PTCD2: variants seen among roughly 807,000 people sequenced by gnomAD.
The protein encoded by PTCD2 is pentatricopeptide repeat domain 2, also known as pentatricopeptide repeat-containing protein 2, mitochondrial.
In PTCD2, 31 loss-of-function variants were observed where a neutral mutation model predicts 42.6. The observed-to-expected ratio is 0.73, with a 90% CI of 0.55 to 0.98. The LOEUF is 0.98. PTCD2 is among the 50% of genes least tolerant of loss of function. The pLI, the probability that PTCD2 is intolerant of heterozygous loss-of-function variation, is 0.00. For synonymous variants in PTCD2, 183 were observed against 170.9 expected (o/e 1.07, Z -0.55); for missense variants, 476 against 454.8 (o/e 1.05, Z -0.42).
In PTCD2 at chr5:72,325,946, G is replaced by A. The variant is rs906831432; in HGVS notation, c.221-666G>A. ...GATACAAAGACAAGGGAGAATGATA[G>A]ACTGTGATGACACTGAAATGATTCT... On this transcript the variant is annotated intron_variant, in intron 2 of 9. Coordinates refer to ENST00000380639, the MANE Select transcript of PTCD2 (RefSeq NM_024754.5). Among the ~76,000 whole-genome samples the A allele has an allele frequency of 2.0e-5, 3 of 152,206 alleles. No individual in the cohort carries two copies. The East Asian group carries it at 5.8e-4, about 29-fold the overall frequency.
At chr5:72,320,707 A>AGGACTGCTGGGGTATTGACCTT in intron 1 of PTCD2, 198 bp downstream of exon 1, 1 of 660,014 alleles carries the variant, frequency 1.5e-6, no homozygotes, top group Non-Finnish European at 2.6e-6. Context: ...TGCAAATCGA[A>AGGACTGCTGGGGTATTGACCTT]GGACTGCTGG....
At chr5:72,338,566 ATTTTAT>A (rs1250151401) in intron 6 of PTCD2, 50 bp from the exon 7 acceptor site, 5 of 904,874 alleles carry the variant, frequency 5.5e-6, no homozygotes, top group Non-Finnish European at 8.6e-6. Flanking sequence ...ACTATTAATC[ATTTTAT>A]TGAACTTAAA....
intron 8 of PTCD2, among the ~76,000 whole-genome samples, chr5:72,346,863 T>C (rs1752384276): frequency 6.6e-6 from 1 of 152,074 alleles, no homozygotes; most frequent in African/African-American, 2.4e-5. Context: ...TCTGATAACA[T>C]CAGGAAGGAA....
rs1235105816 is a variant in PTCD2, at chr5:72,366,154, T to C, written c.*7727T>C. Reference sequence around the variant, plus strand: ...TTGCTTGAACCTGGGAGACGGAGGTTACAGTGAGCCTAGACTGCGCCATTG... The same window carrying C: ...TTGCTTGAACCTGGGAGACGGAGGTCACAGTGAGCCTAGACTGCGCCATTG... On this transcript the variant is annotated 3_prime_UTR_variant, in exon 10 of 10. Transcript: ENST00000380639. 1 of 152,146 alleles carries C rather than the reference T, an allele frequency of 6.6e-6. No homozygotes were observed. Among genetic ancestry groups the C allele is most frequent in the African/African-American group, 2.4e-5 (1 of 41,446 alleles). The allele number at this position is 152,146 out of a possible 1,614,324, so 9.4% of individuals were successfully genotyped here.
At chr5:72,332,109 T>G (rs1252474605) in intron 4 of PTCD2, among the ~76,000 whole-genome samples, 1 of 152,210 alleles carries the variant, frequency 6.6e-6, no homozygotes, top group Non-Finnish European at 1.5e-5. Context: ...TTTCCCATAA[T>G]CAGAAACATT....
At chr5:72,331,007 T>C (rs892689994) in intron 3 of PTCD2, among the ~76,000 whole-genome samples, 1 of 152,244 alleles carries the variant, frequency 6.6e-6, no homozygotes, top group African/African-American at 2.4e-5. Context: ...GATTACAACA[T>C]ACGTTTTTCC....
At chr5:72,320,792 G>T in intron 1 of PTCD2, 3 of 415,522 alleles carry the variant, frequency 7.2e-6, no homozygotes, top group Non-Finnish European at 1.3e-5. Context: ...TCCCGCCTTG[G>T]GTGACTTTTA....
chr5:72,347,668 C>T (rs1752426057), intron 8 of PTCD2, among the ~76,000 whole-genome samples: 1 of 152,020 alleles, frequency 6.6e-6, no homozygotes, highest in South Asian at 2.1e-4. Flanking sequence ...GCCTGGGCAA[C>T]AGAGCGAGAC....
At chr5:72,347,104 A>G (rs1053280611) in intron 8 of PTCD2, among the ~76,000 whole-genome samples, 1 of 152,210 alleles carries the variant, frequency 6.6e-6, no homozygotes, top group Non-Finnish European at 1.5e-5. Flanking sequence ...ATTCAAGGGT[A>G]AGTAAATTAC....
intron 9 of PTCD2, among the ~76,000 whole-genome samples, chr5:72,353,840 G>A (rs539024876): frequency 6.6e-6 from 1 of 152,064 alleles, no homozygotes; most frequent in African/African-American, 2.4e-5. Context: ...CCACAAACCA[G>A]GATACATTTC....
rs1339863789 is a variant in PTCD2 at position 72,366,142 on chromosome 5, G to GGA, written c.*7718_*7719dup. 1 of 152,076 alleles carries GGA rather than the reference G, an allele frequency of 6.6e-6. No individual in the cohort carries two copies. The highest frequency in any genetic ancestry group is 1.9e-4 in the East Asian group (1 of 5,192). The allele number at this position is 152,076 out of a possible 1,614,324, so 9.4% of individuals were successfully genotyped here. On this transcript the variant is annotated 3_prime_UTR_variant, in exon 10 of 10. Coordinates refer to ENST00000380639, the MANE Select transcript of PTCD2 (RefSeq NM_024754.5). ...GAGACGGGAGAATTGCTTGAACCTGGGAGACGGAGGTTACAGTGAGCCTAG... is the reference window on the plus strand; with the variant it reads ...GAGACGGGAGAATTGCTTGAACCTGGGAGAGACGGAGGTTACAGTGAGCCTAG...
At chr5:72,323,405 T>C (rs1432713147) in intron 2 of PTCD2, among the ~76,000 whole-genome samples, 3 of 152,182 alleles carry the variant, frequency 2.0e-5, no homozygotes, top group Admixed American at 6.5e-5. Flanking sequence ...GCATTCATTC[T>C]CTCCCTCCTG....
At chr5:72,341,413 G>A (rs148201668) in intron 7 of PTCD2, among the ~76,000 whole-genome samples, 41 of 152,116 alleles carry the variant, frequency 2.7e-4, no homozygotes, top group Admixed American at 1.9e-3. Flanking sequence ...GTGTCATGTG[G>A]TGGTTCTTTT....
chr5:72,322,056 C>A, intron 1 of PTCD2, 116 bp from the exon 2 acceptor site: 1 of 611,948 alleles, frequency 1.6e-6, no homozygotes, highest in Middle Eastern at 4.7e-4. Flanking sequence ...TATATTTGTA[C>A]CTGTCTAATG....
rs570246268 is a variant in PTCD2, at chr5:72,347,780, A to G, written c.828+4744A>G. 1.2e-4 allele frequency among the ~76,000 whole-genome samples: 18 copies of G among 152,180 alleles called. No homozygotes were observed. The South Asian group carries it at 1.7e-3, about 14-fold the overall frequency. On this transcript the variant is annotated intron_variant, in intron 8 of 9. Transcript: ENST00000380639. ...GGTGGAGCTAAACATGAGCCTGCTGAGCATGAGGCTGTCCATTCCCAATAA... is the reference window on the plus strand; with the variant it reads ...GGTGGAGCTAAACATGAGCCTGCTGGGCATGAGGCTGTCCATTCCCAATAA...
At chr5:72,354,966 A>C (rs540821204) in intron 9 of PTCD2, among the ~76,000 whole-genome samples, 4 of 152,348 alleles carry the variant, frequency 2.6e-5, no homozygotes, top group African/African-American at 9.6e-5. Flanking sequence ...TTAAGTGACA[A>C]AAGTAAGATG....
At chr5:72,327,491 A>G (rs1460292472) in intron 3 of PTCD2, among the ~76,000 whole-genome samples, 6 of 92,332 alleles carry the variant, frequency 6.5e-5, no homozygotes, top group Non-Finnish European at 1.2e-4. Context: ...TTTTTTTTTG[A>G]GATGAAGTCT....
In PTCD2 at chr5:72,338,650, C is replaced by G. The variant is rs756106612; in HGVS notation, c.668C>G (p.Thr223Ser). ...AGCCCTGAGTCTTTCAAAATCTGTA[C>G]TACATTAAGAGAAGAAGCTCTACTC... ...LNSPESFKIC[T>S]TLREEALLKG... The change falls in exon 7 of 10, where the codon ACT becomes AGT. Residue 223 changes from threonine to serine, a missense_variant. By Grantham distance (58) the Thr-to-Ser change is moderately conservative (BLOSUM62 1). Coordinates refer to ENST00000380639, the MANE Select transcript of PTCD2 (RefSeq NM_024754.5). 34 of 1,609,356 alleles carry G rather than the reference C, an allele frequency of 2.1e-5. No homozygotes were observed. The African/African-American group carries it at 4.0e-4, about 19-fold the overall frequency.
Position 72,358,466 on chromosome 5 carries a change from T to A in PTCD2, c.*39T>A, listed in dbSNP as rs758949243. On this transcript the variant is annotated 3_prime_UTR_variant, in exon 10 of 10. Coordinates refer to ENST00000380639, the MANE Select transcript of PTCD2 (RefSeq NM_024754.5). Reference sequence around the variant, plus strand: ...CCACCTATGGATCTGAGGGGCCTGCTTCTAGTGAGTTATTACCTTTCCTAA... The same window carrying A: ...CCACCTATGGATCTGAGGGGCCTGCATCTAGTGAGTTATTACCTTTCCTAA... 1 of 1,436,526 alleles carries A rather than the reference T, an allele frequency of 7.0e-7. No homozygotes were observed. The highest frequency in any genetic ancestry group is 9.7e-7 in the Non-Finnish European group (1 of 1,026,052). The allele number at this position is 1,436,526 out of a possible 1,614,324, so 89.0% of individuals were successfully genotyped here. A position where few individuals can be genotyped will look rare whatever the true frequency, so the allele number is the denominator to read the frequency against.
Sources: gnomAD v4.1 joint callset for allele counts (sites outside exome capture counted in the v4.1 genomes callset) on GRCh38, gnomAD v4.1.1 for gene constraint, MANE v1.5 for transcripts, NCBI Gene and HGNC (gene_info 2026-07-23, HGNC 2026-07-21) for gene names.